LARP4B: variants seen among roughly 807,000 people sequenced by gnomAD.
The protein encoded by LARP4B is La ribonucleoprotein 4B, also known as la-related protein 4B.
A neutral mutation model predicts 89.8 loss-of-function variants in LARP4B; 12 were observed. The observed-to-expected ratio is 0.13, with a 90% confidence interval of 0.09 to 0.22. The LOEUF (loss-of-function observed/expected upper bound fraction) is 0.22, where lower values mean the gene tolerates loss of function less well. Ranked by LOEUF, LARP4B falls within the 10% of genes least tolerant of loss-of-function variation. The pLI is 1.00. For synonymous variants in LARP4B, 367 were observed against 363.3 expected (o/e 1.01, Z -0.12); for missense variants, 757 against 947.7 (o/e 0.80, Z 2.64).
chr10:814,360 T>C lies in LARP4B; in HGVS notation c.1929+382A>G. The C allele has an allele frequency of 2.9e-6, 1 of 340,954 alleles. No individual in the cohort carries two copies. The highest frequency in any genetic ancestry group is 2.3e-5 in the South Asian group (1 of 42,610). The allele number at this position is 340,954 out of a possible 1,614,324, so 21.1% of individuals were successfully genotyped here. A position where few individuals can be genotyped will look rare whatever the true frequency, so the allele number is the denominator to read the frequency against. Reference sequence around the variant, plus strand: ...GGGTTGGAGGCTGGTGGGGCCACCATCTTGCTCTTCCTGTCTCTTCATCAG... The same window carrying C: ...GGGTTGGAGGCTGGTGGGGCCACCACCTTGCTCTTCCTGTCTCTTCATCAG... On this transcript the variant is annotated intron_variant, in intron 17 of 17. Coordinates refer to ENST00000316157, the MANE Select transcript of LARP4B (RefSeq NM_015155.3). This position sits in a 1 kb window ranked among gnomAD's most constrained non-coding sequence, Gnocchi z 4.4.
At chr10:833,249 T>TAAAAAAAACAAAAAA (rs1833001968) in intron 8 of LARP4B, among the ~76,000 whole-genome samples, 1 of 52,038 alleles carries the variant, frequency 1.9e-5, no homozygotes, top group African/African-American at 7.2e-5. Flanking sequence ...TGATGAGCTT[T>TAAAAAAAACAAAAAA]AAAAAAAAAA....
chr10:838,778 C>G (rs1833365066), intron 7 of LARP4B, among the ~76,000 whole-genome samples: 1 of 152,116 alleles, frequency 6.6e-6, no homozygotes, highest in Non-Finnish European at 1.5e-5. Flanking sequence ...TCCAAAGGAG[C>G]TAAAAAATTA....
the LARP4B span, among the ~76,000 whole-genome samples, chr10:974,074 C>T: frequency 1.1e-4 from 17 of 152,278 alleles, no homozygotes; most frequent in South Asian, 8.3e-4. Flanking sequence ...GGTGGACAGT[C>T]GGAGAACCTG....
intron 1 of LARP4B, among the ~76,000 whole-genome samples, chr10:923,654 C>A (rs1837050904): frequency 1.3e-5 from 2 of 152,034 alleles, no homozygotes; most frequent in Non-Finnish European, 2.9e-5. Flanking sequence ...AAGCATGAAG[C>A]CACCTTTAAA....
intron 11 of LARP4B, among the ~76,000 whole-genome samples, chr10:827,769 C>T (rs373609817): frequency 6.6e-5 from 10 of 152,174 alleles, no homozygotes; most frequent in Non-Finnish European, 5.9e-5. Flanking sequence ...CCACGTGCAG[C>T]GATGATTCTT....
intron 1 of LARP4B, among the ~76,000 whole-genome samples, chr10:909,080 G>C (rs377559769): frequency 1.3e-5 from 2 of 151,888 alleles, no homozygotes; most frequent in Non-Finnish European, 2.9e-5. Context: ...AGATCACAAG[G>C]TCAGGAGATC....
intron 3 of LARP4B, among the ~76,000 whole-genome samples, chr10:881,155 G>A (rs1835652063): frequency 6.6e-6 from 1 of 152,188 alleles, no homozygotes; most frequent in Non-Finnish European, 1.5e-5. Flanking sequence ...CGACACTGTT[G>A]CTGAATACCA....
At chr10:863,690 T>C in intron 5 of LARP4B, 53 bp downstream of exon 5, 1 of 1,511,434 alleles carries the variant, frequency 6.6e-7, no homozygotes, top group Non-Finnish European at 8.9e-7. Flanking sequence ...ATAAAAAAAA[T>C]AAATAAAGCA....
the LARP4B span, among the ~76,000 whole-genome samples, chr10:959,735 C>T: frequency 3.6e-4 from 39 of 108,874 alleles, 1 homozygote; most frequent in African/African-American, 1.5e-3. Context: ...CCCACCTCCC[C>T]GTCAATCCAC....
intron 5 of LARP4B, among the ~76,000 whole-genome samples, chr10:862,037 G>A (rs1443918814): frequency 6.6e-6 from 1 of 152,040 alleles, no homozygotes; most frequent in South Asian, 2.1e-4. Context: ...ACCAGTTACT[G>A]GTGAATTAAC....
In LARP4B at chr10:909,272, C is replaced by T. The variant is rs569231571; in HGVS notation, c.-40+22156G>A. Among the ~76,000 whole-genome samples the T allele has an allele frequency of 9.1e-4, 113 of 124,790 alleles. 1 individual carries two copies. The highest frequency in any genetic ancestry group is 7.8e-3 in the South Asian group (31 of 3,958). The allele number at this position is 124,790 out of a possible 152,430, so 81.9% of individuals were successfully genotyped here. On this transcript the variant is annotated intron_variant, in intron 1 of 17. Coordinates refer to ENST00000316157, the MANE Select transcript of LARP4B (RefSeq NM_015155.3). Reference sequence around the variant, plus strand: ...TCGCGCCACTGCAATCCAGCCTGGGCGACAGAGCACGACTCCGTCTCAAAA... The same window carrying T: ...TCGCGCCACTGCAATCCAGCCTGGGTGACAGAGCACGACTCCGTCTCAAAA...
chr10:953,938 C>T, the LARP4B span, among the ~76,000 whole-genome samples: 1 of 152,346 alleles, frequency 6.6e-6, no homozygotes, highest in Non-Finnish European at 1.5e-5. Flanking sequence ...GAGCTCGCTT[C>T]AGCCTGGAGG....
chr10:908,403 C>CT (rs1350185904), intron 1 of LARP4B, among the ~76,000 whole-genome samples: 1 of 152,152 alleles, frequency 6.6e-6, no homozygotes, highest in Non-Finnish European at 1.5e-5. Context: ...GTTTTCCTTA[C>CT]TTGTGTGAGT....
Position 901,876 on chromosome 10 carries a change from G to C in LARP4B, c.-39-16116C>G, listed in dbSNP as rs57838847. Reference sequence around the variant, plus strand: ...TTTGAGTTGGTTCTCCTCCTAAGGAGGACATAATCAGACACAAGATACAAA... The same window carrying C: ...TTTGAGTTGGTTCTCCTCCTAAGGACGACATAATCAGACACAAGATACAAA... On this transcript the variant is annotated intron_variant, in intron 1 of 17. Coordinates refer to ENST00000316157, the MANE Select transcript of LARP4B (RefSeq NM_015155.3). Among the ~76,000 whole-genome samples the C allele has an allele frequency of 3.2e-3, 488 of 152,226 alleles. 2 individuals are homozygous for C. The highest frequency in any genetic ancestry group is 0.011 in the African/African-American group (471 of 41,546).
chr10:892,377 T>C (rs1188230425), intron 1 of LARP4B, among the ~76,000 whole-genome samples: 1 of 152,198 alleles, frequency 6.6e-6, no homozygotes, highest in East Asian at 1.9e-4. Context: ...CTTAAATCAG[T>C]TTCTAAAAAT....
At chr10:813,377 T>C (rs1161630672) in intron 17 of LARP4B, among the ~76,000 whole-genome samples, 164 bp from the exon 18 acceptor site, 1 of 152,242 alleles carries the variant, frequency 6.6e-6, no homozygotes, top group African/African-American at 2.4e-5. Context: ...ATGATTTAGT[T>C]TCCCCTGCAG....
At chr10:922,675 TTAAATAAATAAATAAATAAATAAA>T (rs370807617) in intron 1 of LARP4B, among the ~76,000 whole-genome samples, 2 of 146,194 alleles carry the variant, frequency 1.4e-5, no homozygotes, top group South Asian at 2.2e-4. Flanking sequence ...ACCCCGTCTG[TTAAATAAATAAATAAATAAATAAA>T]TAAATAAATA....
intron 1 of LARP4B, among the ~76,000 whole-genome samples, chr10:925,712 T>G (rs1400844424): frequency 6.6e-6 from 1 of 152,150 alleles, no homozygotes; most frequent in Non-Finnish European, 1.5e-5. Flanking sequence ...TTTTGTATTT[T>G]TAGTACAGAC....
intron 1 of LARP4B, among the ~76,000 whole-genome samples, chr10:912,813 G>A (rs1341766738): frequency 6.6e-6 from 1 of 152,042 alleles, no homozygotes; most frequent in East Asian, 1.9e-4. Context: ...GGGAGGCAGA[G>A]GTTGCAGAGG....
Sources: gnomAD v4.1 joint callset for allele counts (sites outside exome capture counted in the v4.1 genomes callset) on GRCh38, gnomAD v4.1.1 for gene constraint, Gnocchi (gnomAD v3.1) non-coding constraint, MANE v1.5 for transcripts, NCBI Gene and HGNC (gene_info 2026-07-23, HGNC 2026-07-21) for gene names.